The following DGKB variants were observed in gnomAD, a reference collection of about 807,000 sequenced individuals.
The protein encoded by DGKB is 90 kDa diacylglycerol kinase.
In DGKB, 67 loss-of-function variants were observed where a neutral mutation model predicts 114.3. That is an observed-to-expected ratio of 0.59 (90% CI 0.48 to 0.72). The LOEUF (loss-of-function observed/expected upper bound fraction) is 0.72, where lower values mean the gene tolerates loss of function less well. Among genes scored for constraint, DGKB ranks in the 30% least tolerant of loss-of-function variants. The pLI, the probability that DGKB is intolerant of heterozygous loss-of-function variation, is 0.00. For missense variants in DGKB, 907 were observed against 975.2 expected (o/e 0.93, Z 0.93); for synonymous variants, 398 against 323.1 (o/e 1.23, Z -2.49).
intron 23 of DGKB, among the ~76,000 whole-genome samples, chr7:14,216,987 T>C (rs1331927012): frequency 1.3e-5 from 2 of 152,066 alleles, no homozygotes; most frequent in Non-Finnish European, 2.9e-5. Flanking sequence ...AATGTACAAA[T>C]ATATAGTTTT....
chr7:14,774,558 T>G (rs1187474594), intron 2 of DGKB, among the ~76,000 whole-genome samples: 2 of 152,204 alleles, frequency 1.3e-5, no homozygotes, highest in African/African-American at 2.4e-5. Flanking sequence ...ATTGATGACT[T>G]AAACCACTGG....
intron 5 of DGKB, among the ~76,000 whole-genome samples, chr7:14,730,759 C>A (rs1039235495): frequency 2.6e-5 from 4 of 152,148 alleles, no homozygotes; most frequent in African/African-American, 9.7e-5. Context: ...GGGATGACTG[C>A]AACTCCATGT....
chr7:14,738,325 G>A (rs10807775), intron 4 of DGKB, among the ~76,000 whole-genome samples: 97,887 of 152,112 alleles, frequency 0.64, 35,230 homozygotes, highest in Non-Finnish European at 0.81. Flanking sequence ...TTATGGTAGC[G>A]CTTCCTTCTG....
intron 1 of DGKB, among the ~76,000 whole-genome samples, chr7:14,918,907 C>CA (rs1784371458): frequency 6.6e-6 from 1 of 151,752 alleles, no homozygotes; most frequent in South Asian, 2.1e-4. Flanking sequence ...ACTAAAAATA[C>CA]AAAAAATTAG....
chr7:14,772,266 T>TTGG (rs1201749091), intron 2 of DGKB, among the ~76,000 whole-genome samples: 2 of 152,292 alleles, frequency 1.3e-5, no homozygotes, highest in East Asian at 3.9e-4. Context: ...TTTACAGAGT[T>TTGG]TGACTCTTTT....
chr7:14,526,610 T>C (rs892949415), intron 20 of DGKB, among the ~76,000 whole-genome samples: 15 of 152,114 alleles, frequency 9.9e-5, no homozygotes, highest in South Asian at 4.1e-4. Context: ...AAAAATAATA[T>C]GTGGTTAATG....
intron 1 of DGKB, among the ~76,000 whole-genome samples, chr7:14,967,987 T>C (rs946834246): frequency 6.6e-6 from 1 of 152,082 alleles, no homozygotes; most frequent in Non-Finnish European, 1.5e-5. Flanking sequence ...GACAAACATA[T>C]AGTGAGGTAA....
chr7:14,244,043 G>A (rs534336813), intron 23 of DGKB, among the ~76,000 whole-genome samples: 2 of 141,668 alleles, frequency 1.4e-5, no homozygotes, highest in East Asian at 2.2e-4. Flanking sequence ...GAGACAGAGA[G>A]AGAGAGAGAG....
In DGKB at chr7:14,504,934, G is replaced by T. The variant is rs547246897; in HGVS notation, c.1771-26709C>A. Among the ~76,000 whole-genome samples the T allele has an allele frequency of 8.5e-5, 13 of 152,226 alleles. 1 individual carries two copies. In the East Asian group the frequency reaches 2.3e-3, roughly 27 times the overall value. Reference sequence around the variant, plus strand: ...TTTGTTAATTCGATAGTCATCTCTTGAACATGCTAACACTTTTCCAAATCC... The same window carrying T: ...TTTGTTAATTCGATAGTCATCTCTTTAACATGCTAACACTTTTCCAAATCC... On this transcript the variant is annotated intron_variant, in intron 20 of 25. Coordinates refer to ENST00000402815, the MANE Select transcript of DGKB (RefSeq NM_001350709.2).
chr7:14,265,576 T>G (rs1029811610), intron 23 of DGKB, among the ~76,000 whole-genome samples: 60 of 152,102 alleles, frequency 3.9e-4, no homozygotes, highest in Non-Finnish European at 1.5e-4. Flanking sequence ...AAGACCGAGT[T>G]AGATGACTTC....
intron 1 of DGKB, among the ~76,000 whole-genome samples, chr7:14,955,428 T>C (rs1483770835): frequency 6.6e-6 from 1 of 152,030 alleles, no homozygotes; most frequent in Non-Finnish European, 1.5e-5. Context: ...AACTATACGC[T>C]TTCCTTTAAG....
intron 23 of DGKB, among the ~76,000 whole-genome samples, chr7:14,267,438 C>T (rs1797673087): frequency 6.6e-6 from 1 of 151,872 alleles, no homozygotes. Flanking sequence ...AATTGCTGGC[C>T]CAGAAAACCA....
At chr7:14,693,066 A>T (rs1460640234) in intron 9 of DGKB, among the ~76,000 whole-genome samples, 3 of 152,166 alleles carry the variant, frequency 2.0e-5, no homozygotes, top group African/African-American at 7.2e-5. Context: ...TGGTGTCTTG[A>T]ATAACTATGA....
At chr7:14,635,332 A>G (rs989304789) in intron 13 of DGKB, among the ~76,000 whole-genome samples, 1 of 87,916 alleles carries the variant, frequency 1.1e-5, no homozygotes, top group African/African-American at 6.1e-5. Flanking sequence ...AAATAAAAAC[A>G]TGTATTTGGG....
intron 23 of DGKB, among the ~76,000 whole-genome samples, chr7:14,222,756 A>G (rs141916874): frequency 9.9e-5 from 15 of 151,666 alleles, no homozygotes; most frequent in Non-Finnish European, 1.9e-4. Flanking sequence ...AGTGGGATAT[A>G]GAAGTCTCCA....
At chr7:14,580,547 C>T (rs977201983) in intron 19 of DGKB, among the ~76,000 whole-genome samples, 2 of 152,040 alleles carry the variant, frequency 1.3e-5, no homozygotes, top group African/African-American at 4.8e-5. Context: ...ATAAAAATTA[C>T]CTTGAAGTGC....
At chr7:14,894,405 C>G (rs541474820) in intron 1 of DGKB, among the ~76,000 whole-genome samples, 2 of 151,474 alleles carry the variant, frequency 1.3e-5, no homozygotes, top group African/African-American at 4.8e-5. Flanking sequence ...TGATAAGACA[C>G]AGGCGCTAAT....
At position 14,354,520 on chromosome 7, in the gene DGKB, G is replaced by C. The variant is rs73054257; in HGVS notation, c.1836-9129C>G. 9.4e-3 allele frequency among the ~76,000 whole-genome samples: 1,435 copies of C among 152,180 alleles called. 20 individuals are homozygous for C. The highest frequency in any genetic ancestry group is 0.041 in the Middle Eastern group (12 of 294). ...ATTATGTTTATACAAGAAAAGAAGAGATCTCTACATAACACTTACTTTGTA... is the reference window on the plus strand; with the variant it reads ...ATTATGTTTATACAAGAAAAGAAGACATCTCTACATAACACTTACTTTGTA... On this transcript the variant is annotated intron_variant, in intron 21 of 25. Transcript: ENST00000402815.
chr7:14,314,134 A>C (rs1208805584), intron 23 of DGKB, among the ~76,000 whole-genome samples: 2 of 152,154 alleles, frequency 1.3e-5, no homozygotes, highest in East Asian at 1.9e-4. Context: ...TCATCTGTAC[A>C]TCACCATCAT....
Sources: allele counts gnomAD v4.1 joint callset (sites outside exome capture counted in the v4.1 genomes callset), GRCh38; gene constraint gnomAD v4.1.1; transcripts MANE v1.5; gene names NCBI Gene and HGNC (gene_info 2026-07-23, HGNC 2026-07-21).